MPPED2: variants seen among roughly 807,000 people sequenced by gnomAD.
MPPED2 encodes metallophosphoesterase domain containing 2.
Under a neutral mutation model 33.0 loss-of-function variants are expected in MPPED2, and 5 were observed. The observed-to-expected ratio is 0.15, with a 90% CI of 0.08 to 0.32. The LOEUF (loss-of-function observed/expected upper bound fraction) is 0.32, where lower values mean the gene tolerates loss of function less well. Among genes scored for constraint, MPPED2 ranks in the 10% least tolerant of loss-of-function variants. The pLI is 1.00. For synonymous variants in MPPED2, 136 were observed against 141.9 expected (o/e 0.96, Z 0.29); for missense variants, 275 against 372.1 (o/e 0.74, Z 2.15).
chr11:30,560,263 T>C (rs1279131786), intron 2 of MPPED2, among the ~76,000 whole-genome samples: 1 of 152,048 alleles, frequency 6.6e-6, no homozygotes, highest in Non-Finnish European at 1.5e-5. Flanking sequence ...TCAATTAAGA[T>C]ATGTATTTCA....
intron 4 of MPPED2, among the ~76,000 whole-genome samples, chr11:30,468,252 ACACACTCTCT>A (rs1308001971): frequency 9.3e-6 from 1 of 107,738 alleles, no homozygotes; most frequent in Non-Finnish European, 2.1e-5. Context: ...ACACACACAC[ACACACTCTCT>A]CTCTCTCTCT....
chr11:30,586,632 A>T (rs1957478487), upstream of MPPED2: 1 of 152,222 alleles, frequency 6.6e-6, no homozygotes. This position sits in a 1 kb window ranked among gnomAD's most constrained non-coding sequence, Gnocchi z 4.8. Flanking sequence ...CTGCGTAAAA[A>T]ATGATAGGGG....
At chr11:30,543,792 CTTTTTTTT>C (rs35206591) in intron 2 of MPPED2, among the ~76,000 whole-genome samples, 10 of 106,630 alleles carry the variant, frequency 9.4e-5, no homozygotes, top group Non-Finnish European at 1.7e-4. Context: ...TGGCGTTGTT[CTTTTTTTT>C]TTTTTTTTTT....
intron 3 of MPPED2, among the ~76,000 whole-genome samples, chr11:30,517,520 T>C (rs751741099): frequency 3.9e-5 from 6 of 152,218 alleles, no homozygotes; most frequent in Admixed American, 1.3e-4. Flanking sequence ...TACTATATAT[T>C]TGATGAACCA....
At chr11:30,546,874 T>C (rs965772086) in intron 2 of MPPED2, among the ~76,000 whole-genome samples, 2 of 152,154 alleles carry the variant, frequency 1.3e-5, no homozygotes, top group African/African-American at 4.8e-5. Context: ...TCTCTGGAGG[T>C]GGTTTTGTAA....
At chr11:30,458,178 A>G (rs1354622114) in intron 4 of MPPED2, among the ~76,000 whole-genome samples, 1 of 152,192 alleles carries the variant, frequency 6.6e-6, no homozygotes, top group Non-Finnish European at 1.5e-5. Context: ...TTCTAGTTCT[A>G]TGCATGGAGA....
At chr11:30,487,551 G>A (rs545869245) in intron 4 of MPPED2, among the ~76,000 whole-genome samples, 1 of 152,198 alleles carries the variant, frequency 6.6e-6, no homozygotes, top group African/African-American at 2.4e-5. Context: ...GTGTGCTCAC[G>A]GCTCATTGCA....
chr11:30,410,932 TGA>T lies in MPPED2; in HGVS notation c.*534_*535del. ...CTTCTCAATGCAGCTTTCTTTATAGTGAGAGTATGAAAAGAAGTCTTTTCCAT... is the reference window on the plus strand; with the variant it reads ...CTTCTCAATGCAGCTTTCTTTATAGTGAGTATGAAAAGAAGTCTTTTCCAT... On this transcript the variant is annotated 3_prime_UTR_variant, in exon 7 of 7. Coordinates refer to ENST00000358117, the MANE Select transcript of MPPED2 (RefSeq NM_001584.3). The T allele has an allele frequency of 1.0e-6, 1 of 985,764 alleles. No individual in the cohort carries two copies. Among genetic ancestry groups the T allele is most frequent in the Non-Finnish European group, 1.2e-6 (1 of 829,950 alleles). 61.1% of individuals were successfully genotyped at this position (985,764 alleles called of 1,614,324 possible).
chr11:30,446,309 TATTGAGCACCTAGCAAGTACCA>T (rs1346397875), intron 4 of MPPED2, among the ~76,000 whole-genome samples: 2 of 152,194 alleles, frequency 1.3e-5, no homozygotes, highest in Non-Finnish European at 2.9e-5. Context: ...GCCTACCACT[TATTGAGCACCTAGCAAGTACCA>T]AGCTCTGCTA....
chr11:30,502,908 T>G (rs1212606809), intron 3 of MPPED2, among the ~76,000 whole-genome samples: 2 of 152,232 alleles, frequency 1.3e-5, no homozygotes, highest in African/African-American at 4.8e-5. Context: ...TTTTCTGCTA[T>G]AAATCATTAT....
At chr11:30,496,099 C>T (rs900883225) in intron 3 of MPPED2, among the ~76,000 whole-genome samples, 2 of 152,078 alleles carry the variant, frequency 1.3e-5, no homozygotes, top group African/African-American at 4.8e-5. Context: ...GTAAGGGCCC[C>T]CTGATTAGAA....
At chr11:30,500,734 G>T (rs1463351692) in intron 3 of MPPED2, among the ~76,000 whole-genome samples, 2 of 152,194 alleles carry the variant, frequency 1.3e-5, no homozygotes, top group East Asian at 3.9e-4. Context: ...TATCCCCATA[G>T]ACTTGAAGAC....
At chr11:30,509,689 T>C (rs1953040919) in intron 3 of MPPED2, among the ~76,000 whole-genome samples, 1 of 152,178 alleles carries the variant, frequency 6.6e-6, no homozygotes, top group Non-Finnish European at 1.5e-5. Flanking sequence ...TCTATCCTTT[T>C]GCTTCCAACA....
chr11:30,566,660 T>C (rs1249418946), intron 2 of MPPED2, among the ~76,000 whole-genome samples: 1 of 152,220 alleles, frequency 6.6e-6, no homozygotes, highest in Non-Finnish European at 1.5e-5. Context: ...CATTCATTCA[T>C]TCATTCAACA....
In MPPED2 at chr11:30,411,274, T is replaced by TC; in HGVS notation, c.*193dup. On this transcript the variant is annotated 3_prime_UTR_variant, in exon 7 of 7. Transcript: ENST00000358117. Reference sequence around the variant, plus strand: ...AAGTCATTTTACAAATTCACAATGTTCCTCTGATTTCAAATGGATGCCCCA... The same window carrying TC: ...AAGTCATTTTACAAATTCACAATGTTCCCTCTGATTTCAAATGGATGCCCCA... 3 of 1,232,872 alleles carry TC rather than the reference T, an allele frequency of 2.4e-6. No homozygotes were observed. The highest frequency in any genetic ancestry group is 3.1e-6 in the Non-Finnish European group (3 of 982,118). The allele number at this position is 1,232,872 out of a possible 1,614,324, so 76.4% of individuals were successfully genotyped here.
intron 6 of MPPED2, among the ~76,000 whole-genome samples, chr11:30,404,747 T>C (rs1242752798): frequency 6.6e-6 from 1 of 152,240 alleles, no homozygotes; most frequent in Non-Finnish European, 1.5e-5. Context: ...TTATAAAGAC[T>C]CTTTCATGGT....
At chr11:30,413,036 G>C (rs572152577) in intron 6 of MPPED2, among the ~76,000 whole-genome samples, 11 of 152,228 alleles carry the variant, frequency 7.2e-5, no homozygotes, top group Admixed American at 5.2e-4. Context: ...CCTTTTCAGG[G>C]AGCATAGCTC....
At chr11:30,425,974 T>C (rs1249570764) in intron 4 of MPPED2, among the ~76,000 whole-genome samples, 1 of 152,222 alleles carries the variant, frequency 6.6e-6, no homozygotes, top group Non-Finnish European at 1.5e-5. Flanking sequence ...TGGTAAAATA[T>C]ACATAACACA....
intron 2 of MPPED2, among the ~76,000 whole-genome samples, chr11:30,549,288 T>C (rs896654176): frequency 6.6e-6 from 1 of 152,196 alleles, no homozygotes; most frequent in African/African-American, 2.4e-5. Flanking sequence ...ATGGTTCACA[T>C]CAAAATTTCC....
Sources: allele counts gnomAD v4.1 joint callset (sites outside exome capture counted in the v4.1 genomes callset), GRCh38; gene constraint gnomAD v4.1.1; non-coding constraint Gnocchi (gnomAD v3.1); transcripts MANE v1.5; gene names NCBI Gene and HGNC (gene_info 2026-07-23, HGNC 2026-07-21).